ZNF813: variants seen among roughly 807,000 people sequenced by gnomAD.
ZNF813 encodes the protein zinc finger protein 813.
ZNF813 carries 3 observed loss-of-function variants against 7.2 expected under a neutral mutation model. The ratio of observed to expected loss-of-function variants is 0.42; its 90% CI spans 0.19 to 1.08. The LOEUF (loss-of-function observed/expected upper bound fraction) is 1.08. Ranked by LOEUF, ZNF813 falls within the 50% of genes least tolerant of loss-of-function variation. ZNF813 has a pLI of 0.30. For missense variants in ZNF813, 714 were observed against 753.3 expected (o/e 0.95, Z 0.61); for synonymous variants, 227 against 256.3 (o/e 0.89, Z 1.09).
rs761359562 is a variant in ZNF813, at chr19:53,491,014, ATC to A, written c.783_784del (p.His261GlnfsTer2). ...AATCGGAAGCGAAACCTAGTGTGCC[ATC>A]GTAGATGTCACACTGGGGAGAAACC... On this transcript the variant is annotated frameshift_variant, in exon 4 of 4. Transcript: ENST00000396403. LOFTEE classifies it low-confidence loss of function (END_TRUNC). 5.6e-6 allele frequency: 9 copies of A among 1,614,186 alleles called. No individual in the cohort carries two copies. The highest frequency in any genetic ancestry group is 7.6e-6 in the Non-Finnish European group (9 of 1,180,030).
intron 1 of ZNF813, among the ~76,000 whole-genome samples, chr19:53,472,019 C>T (rs1489498774): frequency 6.6e-6 from 1 of 152,104 alleles, no homozygotes; most frequent in African/African-American, 2.4e-5. Flanking sequence ...GGATGATGCT[C>T]TCGTAACTTC....
At chr19:53,473,847 A>C (rs1250016674) in intron 1 of ZNF813, among the ~76,000 whole-genome samples, 1 of 152,168 alleles carries the variant, frequency 6.6e-6, no homozygotes, top group African/African-American at 2.4e-5. Context: ...CATAAGGTGA[A>C]TACCTAGTTT....
intron 2 of ZNF813, among the ~76,000 whole-genome samples, chr19:53,484,095 G>A (rs550695906): frequency 8.5e-5 from 13 of 152,156 alleles, no homozygotes; most frequent in African/African-American, 3.1e-4. Context: ...CGGGGTGAGG[G>A]TCCCATGGTG....
rs548405693 is a variant in ZNF813, at chr19:53,489,287, A to G, written c.143-1088A>G. On this transcript the variant is annotated intron_variant, in intron 3 of 3. Coordinates refer to ENST00000396403, the MANE Select transcript of ZNF813 (RefSeq NM_001004301.4). Reference sequence around the variant, plus strand: ...CTCCCAAAGTGCTAGGATTACAGGCATAAGCCACCGTGCCTGGCATTAATG... The same window carrying G: ...CTCCCAAAGTGCTAGGATTACAGGCGTAAGCCACCGTGCCTGGCATTAATG... 6.5e-4 allele frequency among the ~76,000 whole-genome samples: 99 copies of G among 152,274 alleles called. 1 individual carries two copies. The East Asian group carries it at 0.018, about 28-fold the overall frequency.
chr19:53,487,950 A>G (rs1345552912), intron 3 of ZNF813, among the ~76,000 whole-genome samples: 1 of 152,222 alleles, frequency 6.6e-6, no homozygotes, highest in Non-Finnish European at 1.5e-5. Context: ...AATAATAGAA[A>G]AAAAGTTGAA....
Position 53,492,315 on chromosome 19 carries a change from G to GT in ZNF813, c.*232dup. The GT allele has an allele frequency of 1.4e-6, 1 of 705,762 alleles. No homozygotes were observed. 43.7% of individuals were successfully genotyped at this position (705,762 alleles called of 1,614,324 possible). The stretch of plus-strand genomic sequence containing the variant: ...TTAGAAATGTGAAGCATGTGACAAA[G>GT]TTTACAGTGGCAAATCGAGCCTCAA... On this transcript the variant is annotated 3_prime_UTR_variant, in exon 4 of 4. Transcript: ENST00000396403.
rs2086425962 is a variant in ZNF813, at chr19:53,485,103, T to TA, written c.15+1274dup. 2.0e-5 allele frequency among the ~76,000 whole-genome samples: 3 copies of TA among 151,932 alleles called. 1 individual carries two copies. Among genetic ancestry groups the TA allele is most frequent in the Admixed American group, 6.6e-5 (1 of 15,224 alleles). ...TGTATTTCTGCATCACTATGAGACT[T>TA]AAAAAAAATTCTGCTGTAAATTAAA... On this transcript the variant is annotated intron_variant, in intron 2 of 3. Coordinates refer to ENST00000396403, the MANE Select transcript of ZNF813 (RefSeq NM_001004301.4).
chr19:53,490,378 T>A lies in ZNF813; in HGVS notation c.146T>A (p.Ile49Asn), dbSNP rs751733582. 7 of 1,613,988 alleles carry A rather than the reference T, an allele frequency of 4.3e-6. No individual in the cohort carries two copies. In the East Asian group the frequency reaches 1.6e-4, roughly 36 times the overall value. The change falls in exon 4 of 4, where the codon ATC becomes AAC. Residue 49 changes from isoleucine (I) to asparagine (N), a missense_variant. Physicochemically the swap from Ile to Asn is moderately radical, Grantham distance 149. Transcript: ENST00000396403. ...ENYRNLVSLDISSKCMMKEFS... is the reference protein window; with the variant it reads ...ENYRNLVSLDNSSKCMMKEFS... ...TATTCGTGTTTATATTTTGTAGATA[T>A]CTCTTCCAAATGCATGATGAAGGAG... is the stretch of plus-strand genomic sequence containing the variant.
Position 53,491,390 on chromosome 19 carries a change from T to A in ZNF813, c.1158T>A (p.Asn386Lys), listed in dbSNP as rs774498731. 1.6e-5 allele frequency: 26 copies of A among 1,613,210 alleles called. No homozygotes were observed. Among genetic ancestry groups the A allele is most frequent in the Non-Finnish European group, 1.9e-5 (22 of 1,179,436 alleles). The change falls in exon 4 of 4, where the codon AAT (asparagine) becomes AAA (lysine). Residue 386 changes from asparagine to lysine, a missense_variant. Transcript: ENST00000396403. ...LHTGEKPYKCNECGKTFSQEL... is the reference protein window; with the variant it reads ...LHTGEKPYKCKECGKTFSQEL... ...CGGGAGAGAAACCTTATAAGTGTAA[T>A]GAATGTGGCAAGACCTTCAGTCAGG...
chr19:53,478,937 T>C (rs957370827), intron 1 of ZNF813, among the ~76,000 whole-genome samples: 10 of 135,056 alleles, frequency 7.4e-5, no homozygotes, highest in Admixed American at 6.2e-4. Context: ...TTTTGTTTTT[T>C]GTTTTTTGTG....
chr19:53,487,943 A>T (rs2086441832), intron 3 of ZNF813, among the ~76,000 whole-genome samples: 1 of 152,202 alleles, frequency 6.6e-6, no homozygotes, highest in African/African-American at 2.4e-5. Flanking sequence ...TCTTTTAAAT[A>T]ATAGAAAAAA....
Position 53,494,023 on chromosome 19 carries a change from C to T in ZNF813, c.*1937C>T, listed in dbSNP as rs1234640045. 1 of 152,160 alleles carries T rather than the reference C, an allele frequency of 6.6e-6. No homozygotes were observed. Among genetic ancestry groups the T allele is most frequent in the Admixed American group, 6.5e-5 (1 of 15,272 alleles). The allele number at this position is 152,160 out of a possible 1,614,324, so 9.4% of individuals were successfully genotyped here. The stretch of plus-strand genomic sequence containing the variant: ...TTTTGAATTTTGTGAAATACTTTTT[C>T]TCCATCTATTGAGATGATGTGGTTT... On this transcript the variant is annotated 3_prime_UTR_variant, in exon 4 of 4. Transcript: ENST00000396403.
intron 1 of ZNF813, among the ~76,000 whole-genome samples, chr19:53,472,770 G>A (rs1185045058): frequency 2.0e-5 from 3 of 151,906 alleles, no homozygotes; most frequent in Non-Finnish European, 4.4e-5. Flanking sequence ...GTACCACCAT[G>A]CCTGGTTAAT....
chr19:53,494,676 ACT>A lies in ZNF813; in HGVS notation c.*2593_*2594del, dbSNP rs889662961. ...AAAAAAAGAAAAGAAAAGAAAAGAG[ACT>A]CTATCAAAGCAATATAAATCCTGCT... is the stretch of plus-strand genomic sequence containing the variant. On this transcript the variant is annotated 3_prime_UTR_variant, in exon 4 of 4. Transcript: ENST00000396403. 2 of 151,274 alleles carry A rather than the reference ACT, an allele frequency of 1.3e-5. No individual in the cohort carries two copies. Among genetic ancestry groups the A allele is most frequent in the Non-Finnish European group, 2.9e-5 (2 of 67,954 alleles). 9.4% of individuals were successfully genotyped at this position (151,274 alleles called of 1,614,324 possible). A position where few individuals can be genotyped will look rare whatever the true frequency, so the allele number is the denominator to read the frequency against.
intron 1 of ZNF813, 81 bp from the exon 2 acceptor site, chr19:53,483,669 G>A (rs1266639618): frequency 2.5e-5 from 35 of 1,374,926 alleles, no homozygotes; most frequent in Middle Eastern, 3.7e-4. Context: ...TCAGGATGAG[G>A]TCTCCTTTGT....
In ZNF813 at chr19:53,491,306, T is replaced by C. The variant is rs2086460233; in HGVS notation, c.1074T>C (p.Asn358=). The C allele has an allele frequency of 6.2e-7, 1 of 1,614,122 alleles. No homozygotes were observed. Among genetic ancestry groups the C allele is most frequent in the Non-Finnish European group, 8.5e-7 (1 of 1,180,002 alleles). The part of the protein sequence containing the change: ...LHTGEKPFKC[N]ECGKTFSRKS... Reference sequence around the variant, plus strand: ...CTGGAGAGAAACCTTTCAAGTGTAATGAGTGTGGCAAGACCTTTAGTCGGA... The same window carrying C: ...CTGGAGAGAAACCTTTCAAGTGTAACGAGTGTGGCAAGACCTTTAGTCGGA... Residue 358 remains asparagine, a synonymous_variant, in exon 4 of 4, where the codon AAT becomes AAC. Coordinates refer to ENST00000396403, the MANE Select transcript of ZNF813 (RefSeq NM_001004301.4).
intron 1 of ZNF813, among the ~76,000 whole-genome samples, chr19:53,472,279 C>T (rs371687929): frequency 6.6e-6 from 1 of 152,170 alleles, no homozygotes; most frequent in Non-Finnish European, 1.5e-5. Context: ...TGGGGTGCCA[C>T]GATATGCAAT....
Position 53,491,729 on chromosome 19 carries a change from A to C in ZNF813, c.1497A>C (p.Glu499Asp). Residue 499 changes from glutamate to aspartate, a missense_variant, in exon 4 of 4, where the codon GAA becomes GAC. By Grantham distance (45) the Glu-to-Asp change is conservative. Coordinates refer to ENST00000396403, the MANE Select transcript of ZNF813 (RefSeq NM_001004301.4). ...HTGEKPYKCN[E>D]CGKGFNRKTH... ...GAGAGAAACCTTACAAGTGTAATGA[A>C]TGTGGCAAGGGTTTTAATCGGAAAA... The C allele has an allele frequency of 6.4e-7, 1 of 1,573,590 alleles. No homozygotes were observed. Among genetic ancestry groups the C allele is most frequent in the Non-Finnish European group, 8.7e-7 (1 of 1,149,930 alleles).
chr19:53,479,290 G>A, intron 1 of ZNF813: 1 of 1,495,398 alleles, frequency 6.7e-7, no homozygotes, highest in Non-Finnish European at 9.1e-7. Flanking sequence ...TGGAGAGGAG[G>A]CTGCAATGCC....
Sources: allele counts gnomAD v4.1 joint callset (sites outside exome capture counted in the v4.1 genomes callset), GRCh38; gene constraint gnomAD v4.1.1; transcripts MANE v1.5; gene names NCBI Gene and HGNC (gene_info 2026-07-23, HGNC 2026-07-21).